SOX5: variants seen among roughly 807,000 people sequenced by gnomAD.
SOX5 encodes transcription factor SOX-5.
A neutral mutation model predicts 92.0 loss-of-function variants in SOX5; 9 were observed. The observed-to-expected ratio is 0.10, with a 90% CI of 0.06 to 0.17. SOX5 has a LOEUF of 0.17. Among genes scored for constraint, SOX5 ranks in the 10% least tolerant of loss-of-function variants. The probability of loss-of-function intolerance (pLI) is 1.00; values close to 1 mark genes in which losing one functional copy is unlikely to be tolerated. For missense variants in SOX5, 642 were observed against 944.5 expected, an observed-to-expected ratio of 0.68 and a Z score of 4.20; for synonymous variants, 344 against 336.3, an observed-to-expected ratio of 1.02 and a Z score of -0.25.
intron 4 of SOX5, among the ~76,000 whole-genome samples, chr12:23,977,400 T>C (rs916607846): frequency 1.3e-5 from 2 of 152,192 alleles, no homozygotes; most frequent in Non-Finnish European, 2.9e-5. Context: ...CCAAGCATGG[T>C]GGCTAACACC....
At chr12:24,229,658 A>G (rs1962937575) in intron 3 of SOX5, among the ~76,000 whole-genome samples, 1 of 152,212 alleles carries the variant, frequency 6.6e-6, no homozygotes, top group Non-Finnish European at 1.5e-5. Flanking sequence ...AAGCAGCAAC[A>G]CAAGAACAAA....
At chr12:24,454,065 G>C (rs1185381716) in intron 1 of SOX5, among the ~76,000 whole-genome samples, 2 of 152,188 alleles carry the variant, frequency 1.3e-5, no homozygotes, top group Non-Finnish European at 2.9e-5. Flanking sequence ...CAATGGTAGA[G>C]AGGGCTTCTC....
intron 1 of SOX5, among the ~76,000 whole-genome samples, chr12:24,424,811 G>GC (rs1015255886): frequency 6.7e-6 from 1 of 149,322 alleles, no homozygotes; most frequent in African/African-American, 2.5e-5. Flanking sequence ...TTTTTTTTGG[G>GC]GGGGGGGGAT....
intron 2 of SOX5, among the ~76,000 whole-genome samples, chr12:24,330,625 A>G (rs954076805): frequency 2.0e-5 from 3 of 152,244 alleles, no homozygotes; most frequent in Non-Finnish European, 4.4e-5. Flanking sequence ...CACTTAAACG[A>G]AAGTTTCATG....
At chr12:23,747,185 T>C (rs1389686232) in intron 4 of SOX5, among the ~76,000 whole-genome samples, 3 of 152,148 alleles carry the variant, frequency 2.0e-5, no homozygotes, top group African/African-American at 4.8e-5. Flanking sequence ...ATATAATTCA[T>C]TGGAAATTGA....
At chr12:24,524,384 T>TATCTATCTATCTATCTATCC (rs1555335472) in intron 1 of SOX5, among the ~76,000 whole-genome samples, 1 of 125,246 alleles carries the variant, frequency 8.0e-6, no homozygotes, top group African/African-American at 2.7e-5. Context: ...TCTATCTATC[T>TATCTATCTATCTATCTATCC]ATCCATCCAT....
intron 1 of SOX5, among the ~76,000 whole-genome samples, chr12:24,535,163 A>G (rs1951527171): frequency 1.3e-5 from 2 of 152,150 alleles, no homozygotes; most frequent in Non-Finnish European, 2.9e-5. Flanking sequence ...TTGGGCTAAA[A>G]TCGGCTCTTG....
chr12:23,612,033 A>G (rs1204616471), intron 8 of SOX5, among the ~76,000 whole-genome samples: 1 of 152,082 alleles, frequency 6.6e-6, no homozygotes, highest in Non-Finnish European at 1.5e-5. Flanking sequence ...TTACACTGTT[A>G]TTATCTGAAT....
chr12:24,511,593 G>A (rs1949308618), intron 1 of SOX5, among the ~76,000 whole-genome samples: 2 of 152,170 alleles, frequency 1.3e-5, no homozygotes, highest in Admixed American at 1.3e-4. Flanking sequence ...ATAAATTTTA[G>A]TGAATCAGAT....
chr12:24,244,726 C>A (rs1040465532), intron 3 of SOX5, among the ~76,000 whole-genome samples: 5 of 152,068 alleles, frequency 3.3e-5, no homozygotes, highest in African/African-American at 1.2e-4. Flanking sequence ...TTCTTTTTCT[C>A]TTGTTGCCCA....
chr12:23,578,284 A>C (rs1218677931), intron 9 of SOX5, among the ~76,000 whole-genome samples: 1 of 150,078 alleles, frequency 6.7e-6, no homozygotes, highest in Non-Finnish European at 1.5e-5. Context: ...GTATGAATGA[A>C]TACTTCTCAA....
At chr12:23,762,660 G>T in intron 3 of SOX5, 1 of 475,514 alleles carries the variant, frequency 2.1e-6, no homozygotes, top group Non-Finnish European at 3.7e-6. Context: ...AATTTTTAAT[G>T]TGAAGTTTTT....
At chr12:23,950,541 C>T (rs1288629116), upstream of SOX5, among the ~76,000 whole-genome samples, 1 of 152,094 alleles carries the variant, frequency 6.6e-6, no homozygotes, top group South Asian at 2.1e-4. Flanking sequence ...ATAACATACA[C>T]GAGCGAACAA....
At chr12:23,880,680 C>T (rs1387898560) in intron 2 of SOX5, among the ~76,000 whole-genome samples, 2 of 152,158 alleles carry the variant, frequency 1.3e-5, no homozygotes, top group Non-Finnish European at 2.9e-5. Flanking sequence ...CTATATAAGG[C>T]ACAACCCCCT....
intron 3 of SOX5, among the ~76,000 whole-genome samples, chr12:23,789,246 C>A (rs557709990): frequency 1.4e-5 from 2 of 147,924 alleles, no homozygotes; most frequent in African/African-American, 5.1e-5. Context: ...AAAAAAAAAA[C>A]ATTAAATTAT....
In SOX5 at chr12:24,048,788, T is replaced by C. The variant is rs551793721; in HGVS notation, c.-1-152764A>G. Among the ~76,000 whole-genome samples, 148 of 152,320 alleles carry C rather than the reference T, an allele frequency of 9.7e-4. 1 individual carries two copies. The highest frequency in any genetic ancestry group is 1.7e-3 in the South Asian group (8 of 4,826). On this transcript the variant is annotated intron_variant, in intron 4 of 4. Transcript: ENST00000446891. ...ATCACATACAATATGATTCCACTTATTTGAAATATCCCAAATAGACAAGTT... is the reference window on the plus strand; with the variant it reads ...ATCACATACAATATGATTCCACTTACTTGAAATATCCCAAATAGACAAGTT...
chr12:24,407,616 G>A (rs551666658), intron 1 of SOX5: 3 of 152,304 alleles, frequency 2.0e-5, no homozygotes, highest in East Asian at 1.9e-4. Context: ...CATAATGTAC[G>A]GAGATGGGGT....
At chr12:23,748,123 GT>G (rs2094057460) in intron 4 of SOX5, among the ~76,000 whole-genome samples, 1 of 151,890 alleles carries the variant, frequency 6.6e-6, no homozygotes, top group Non-Finnish European at 1.5e-5. Context: ...AGCATTATAT[GT>G]TATATTCTTA....
At chr12:23,793,360 A>G (rs2095509558) in intron 3 of SOX5, among the ~76,000 whole-genome samples, 1 of 152,170 alleles carries the variant, frequency 6.6e-6, no homozygotes, top group Non-Finnish European at 1.5e-5. Flanking sequence ...AAATCAGTAC[A>G]TTAGCCAAAA....
Sources: gnomAD v4.1 joint callset for allele counts (sites outside exome capture counted in the v4.1 genomes callset) on GRCh38, gnomAD v4.1.1 for gene constraint, MANE v1.5 for transcripts, NCBI Gene and HGNC (gene_info 2026-07-23, HGNC 2026-07-21) for gene names.